KCNB2: variants seen among roughly 807,000 people sequenced by gnomAD.
KCNB2 encodes delayed rectifier potassium channel protein.
Under a neutral mutation model 61.5 loss-of-function variants are expected in KCNB2, and 15 were observed. That is an observed-to-expected ratio of 0.24 (90% confidence interval 0.16 to 0.38). The LOEUF is 0.38. Among genes scored for constraint, KCNB2 ranks in the 10% least tolerant of loss-of-function variants. KCNB2 has a pLI of 1.00. For synonymous variants in KCNB2, 457 were observed against 446.0 expected, an observed-to-expected ratio of 1.02 and a Z score of -0.31; for missense variants, 828 against 1,125.2, an observed-to-expected ratio of 0.74 and a Z score of 3.78.
At chr8:72,910,122 T>A (rs1018997435) in intron 2 of KCNB2, among the ~76,000 whole-genome samples, 13 of 152,232 alleles carry the variant, frequency 8.5e-5, no homozygotes, top group Non-Finnish European at 1.6e-4. Context: ...TGTGGGCTTG[T>A]ACACATTACA....
chr8:72,808,887 T>C (rs1382558034), intron 2 of KCNB2, among the ~76,000 whole-genome samples: 1 of 152,126 alleles, frequency 6.6e-6, no homozygotes, highest in African/African-American at 2.4e-5. Context: ...TTGTTAAGGA[T>C]CTACTTGGAG....
intron 1 of KCNB2, among the ~76,000 whole-genome samples, chr8:72,541,267 A>G (rs1806184162): frequency 6.6e-6 from 1 of 151,982 alleles, no homozygotes; most frequent in African/African-American, 2.4e-5. Flanking sequence ...ATTGACGTAT[A>G]TAAAATAAAG....
chr8:72,865,811 T>C (rs568611519), intron 2 of KCNB2, among the ~76,000 whole-genome samples: 1 of 152,288 alleles, frequency 6.6e-6, no homozygotes, highest in South Asian at 2.1e-4. Context: ...CCCCTGACCA[T>C]CCTAAGGAAA....
chr8:72,553,120 AC>A (rs1264016786), intron 1 of KCNB2, among the ~76,000 whole-genome samples: 2 of 152,194 alleles, frequency 1.3e-5, no homozygotes, highest in Admixed American at 1.3e-4. Flanking sequence ...AGCAACAACA[AC>A]AAAATCTCAG....
At chr8:72,608,419 C>G (rs952106837) in intron 2 of KCNB2, among the ~76,000 whole-genome samples, 3 of 152,098 alleles carry the variant, frequency 2.0e-5, no homozygotes, top group South Asian at 4.1e-4. Flanking sequence ...ACTCTAGCCC[C>G]TGTTTGGAAA....
At chr8:72,717,964 C>T (rs1261248136) in intron 2 of KCNB2, among the ~76,000 whole-genome samples, 1 of 151,650 alleles carries the variant, frequency 6.6e-6, no homozygotes, top group Non-Finnish European at 1.5e-5. Flanking sequence ...AACAAATTTA[C>T]AAGAAAAAAA....
At chr8:72,765,199 G>T (rs1388680159) in intron 2 of KCNB2, among the ~76,000 whole-genome samples, 1 of 152,188 alleles carries the variant, frequency 6.6e-6, no homozygotes, top group African/African-American at 2.4e-5. Flanking sequence ...AATTAGGATG[G>T]ACTCTCACCC....
chr8:72,744,931 T>A (rs1183609826), intron 2 of KCNB2, among the ~76,000 whole-genome samples: 1 of 152,212 alleles, frequency 6.6e-6, no homozygotes, highest in Non-Finnish European at 1.5e-5. Context: ...GCTGCCCCAC[T>A]GGATCCTGTG....
chr8:72,930,036 G>A (rs1806745634), intron 2 of KCNB2, among the ~76,000 whole-genome samples: 1 of 145,498 alleles, frequency 6.9e-6, no homozygotes, highest in South Asian at 2.1e-4. Flanking sequence ...ACCTATGAGT[G>A]AAAACATGCA....
intron 2 of KCNB2, among the ~76,000 whole-genome samples, chr8:72,838,471 A>G (rs1809820549): frequency 6.6e-6 from 1 of 152,194 alleles, no homozygotes; most frequent in Non-Finnish European, 1.5e-5. Flanking sequence ...ATAGTATTCC[A>G]TGGTATATAT....
chr8:72,546,846 G>C (rs1389259636), intron 1 of KCNB2, among the ~76,000 whole-genome samples: 1 of 152,108 alleles, frequency 6.6e-6, no homozygotes, highest in African/African-American at 2.4e-5. Context: ...TGGTCTCACT[G>C]TGTTACCCAC....
intron 2 of KCNB2, among the ~76,000 whole-genome samples, chr8:72,845,463 A>C (rs1809972056): frequency 6.6e-6 from 1 of 152,242 alleles, no homozygotes; most frequent in Non-Finnish European, 1.5e-5. Flanking sequence ...GAGCTCGAGC[A>C]CTGTGCTGGG....
chr8:72,667,245 G>A (rs1806492020), intron 2 of KCNB2, among the ~76,000 whole-genome samples: 1 of 152,096 alleles, frequency 6.6e-6, no homozygotes, highest in African/African-American at 2.4e-5. Flanking sequence ...TTCTCTTCCT[G>A]TCCTCTGAAT....
intron 2 of KCNB2, among the ~76,000 whole-genome samples, chr8:72,609,821 G>A (rs865987465): frequency 3.9e-5 from 6 of 152,030 alleles, no homozygotes; most frequent in South Asian, 2.1e-4. Flanking sequence ...GTCCCCAGTC[G>A]AATAAAGCAT....
intron 2 of KCNB2, among the ~76,000 whole-genome samples, chr8:72,755,722 G>A (rs936279275): frequency 6.6e-6 from 1 of 152,180 alleles, no homozygotes; most frequent in Non-Finnish European, 1.5e-5. Flanking sequence ...TACCCAGTGT[G>A]CTTACGAATG....
At chr8:72,804,003 A>C (rs753277026) in intron 2 of KCNB2, among the ~76,000 whole-genome samples, 1 of 152,214 alleles carries the variant, frequency 6.6e-6, no homozygotes, top group Non-Finnish European at 1.5e-5. Context: ...TCAGCATGCC[A>C]GAATGAACGC....
intron 2 of KCNB2, chr8:72,749,242 C>T (rs1808141794): frequency 2.0e-5 from 3 of 152,172 alleles, no homozygotes. Flanking sequence ...CCTCACCCTC[C>T]AGAGTAGCTG....
In KCNB2 at chr8:72,935,965, G is replaced by T; in HGVS notation, c.610G>T (p.Val204Leu). ...ILAIVSILFIVLSTIALSLNT... is the reference protein window; with the variant it reads ...ILAIVSILFILLSTIALSLNT... ...GGCCATCGTGTCTATCCTGTTCATTGTGCTTTCCACCATTGCTTTGTCTCT... is the reference window on the plus strand; with the variant it reads ...GGCCATCGTGTCTATCCTGTTCATTTTGCTTTCCACCATTGCTTTGTCTCT... Residue 204 changes from valine (V) to leucine (L), a missense_variant, in exon 3 of 3, where the codon GTG becomes TTG. Val to Leu is a conservative substitution (Grantham distance 32). Around this residue, in one of 4 missense-constraint regions of KCNB2, gnomAD observed 163 missense variants for 314.4 expected, o/e 0.52. Coordinates refer to ENST00000523207, the MANE Select transcript of KCNB2 (RefSeq NM_004770.3). The T allele has an allele frequency of 1.2e-6, 2 of 1,614,088 alleles. No individual in the cohort carries two copies. Among genetic ancestry groups the T allele is most frequent in the Non-Finnish European group, 1.7e-6 (2 of 1,179,970 alleles).
chr8:72,734,915 G>A (rs896583817), intron 2 of KCNB2, among the ~76,000 whole-genome samples: 3 of 152,146 alleles, frequency 2.0e-5, no homozygotes, highest in African/African-American at 7.2e-5. Flanking sequence ...TAATGAATTC[G>A]GCAGCTTGTA....
Sources: gnomAD v4.1 joint callset for allele counts (sites outside exome capture counted in the v4.1 genomes callset) on GRCh38, gnomAD v4.1.1 for gene constraint, gnomAD v4.1.1 regional missense constraint, MANE v1.5 for transcripts, NCBI Gene and HGNC (gene_info 2026-07-23, HGNC 2026-07-21) for gene names.